GFOD1: variants seen among roughly 807,000 people sequenced by gnomAD.
GFOD1 encodes glucose-fructose oxidoreductase domain-containing protein 1.
In GFOD1, 9 loss-of-function variants were observed where a neutral mutation model predicts 25.4. That is an observed-to-expected ratio of 0.35 (90% CI 0.21 to 0.62). GFOD1 has a LOEUF of 0.62. Ranked by LOEUF, GFOD1 falls within the 20% of genes least tolerant of loss-of-function variation. The probability of loss-of-function intolerance (pLI) is 0.72; values close to 1 mark genes in which losing one functional copy is unlikely to be tolerated. For synonymous variants in GFOD1, 253 were observed against 245.6 expected, an observed-to-expected ratio of 1.03 and a Z score of -0.28; for missense variants, 403 against 556.9, an observed-to-expected ratio of 0.72 and a Z score of 2.78.
At chr6:13,410,005 G>GGT (rs548597430) in intron 1 of GFOD1, among the ~76,000 whole-genome samples, 1 of 121,634 alleles carries the variant, frequency 8.2e-6, no homozygotes, top group African/African-American at 3.1e-5. Flanking sequence ...CGGATTTTTA[G>GGT]TTTTTTTTTT....
intron 1 of GFOD1, among the ~76,000 whole-genome samples, chr6:13,409,398 AAC>A (rs1786030481): frequency 1.3e-5 from 2 of 152,056 alleles, no homozygotes; most frequent in Admixed American, 6.6e-5. Flanking sequence ...GAAGGAAAAA[AAC>A]AATGAAATAA....
At chr6:13,477,386 T>C (rs1469091933) in intron 1 of GFOD1, among the ~76,000 whole-genome samples, 2 of 151,962 alleles carry the variant, frequency 1.3e-5, no homozygotes, top group Non-Finnish European at 2.9e-5. Flanking sequence ...CAGTTTCCAG[T>C]ACAAAGGCAG....
At chr6:13,400,915 T>C (rs1459500435) in intron 1 of GFOD1, among the ~76,000 whole-genome samples, 1 of 152,190 alleles carries the variant, frequency 6.6e-6, no homozygotes, top group East Asian at 1.9e-4. Flanking sequence ...TCACTATTAG[T>C]CATTGACTCT....
At chr6:13,378,286 G>A (rs548737666) in intron 1 of GFOD1, among the ~76,000 whole-genome samples, 11 of 152,334 alleles carry the variant, frequency 7.2e-5, no homozygotes, top group South Asian at 2.1e-4. Context: ...AGGATGAAAC[G>A]ACTGAGCCTC....
chr6:13,484,918 C>T (rs1758831316), intron 1 of GFOD1, among the ~76,000 whole-genome samples: 2 of 152,320 alleles, frequency 1.3e-5, no homozygotes, highest in Non-Finnish European at 2.9e-5. Context: ...CCAGTATACG[C>T]AGGGCTCATC....
chr6:13,453,520 C>A (rs1758134693), intron 1 of GFOD1, among the ~76,000 whole-genome samples: 1 of 152,184 alleles, frequency 6.6e-6, no homozygotes, highest in Admixed American at 6.5e-5. Context: ...TTTGAAGATA[C>A]ATAAATCTAA....
Position 13,430,138 on chromosome 6 carries a change from C to T in GFOD1, c.253+56500G>A, listed in dbSNP as rs1450038643. On this transcript the variant is annotated intron_variant, in intron 1 of 1. Coordinates refer to ENST00000379287, the MANE Select transcript of GFOD1 (RefSeq NM_018988.4). This position sits in a 1 kb window ranked among gnomAD's most constrained non-coding sequence, Gnocchi z 4.1. ...TAGCTGCACTCTGTAGGAATGCTTG[C>T]TTTTAAAATCCAGCCAGGCCGGGAG... Among the ~76,000 whole-genome samples, 1 of 152,162 alleles carries T rather than the reference C, an allele frequency of 6.6e-6. No homozygotes were observed. Among genetic ancestry groups the T allele is most frequent in the African/African-American group, 2.4e-5 (1 of 41,440 alleles).
intron 1 of GFOD1, among the ~76,000 whole-genome samples, chr6:13,415,913 G>A (rs898133544): frequency 1.3e-5 from 2 of 152,190 alleles, no homozygotes; most frequent in Non-Finnish European, 2.9e-5. Context: ...ACAGACAAAC[G>A]TGGTCCCATC....
chr6:13,461,290 C>T (rs1177299285), intron 1 of GFOD1, among the ~76,000 whole-genome samples: 2 of 152,160 alleles, frequency 1.3e-5, no homozygotes, highest in Admixed American at 6.5e-5. Context: ...AGCCCTCGGC[C>T]CTCTTTGTAG....
chr6:13,426,874 CCCTGGTG>C lies in GFOD1; in HGVS notation c.253+59757_253+59763del, dbSNP rs1441575044. ...AGTGTCTGTTGGTGGAAGAACATGCCCCTGGTGCCAGAAGGCTGGGGTTTGAGTCTCA... is the reference window on the plus strand; with the variant it reads ...AGTGTCTGTTGGTGGAAGAACATGCCCCAGAAGGCTGGGGTTTGAGTCTCA... On this transcript the variant is annotated intron_variant, in intron 1 of 1. Transcript: ENST00000379287. Among the ~76,000 whole-genome samples the C allele has an allele frequency of 6.6e-5, 10 of 152,176 alleles. No individual in the cohort carries two copies. In the South Asian group the frequency reaches 8.3e-4, roughly 13 times the overall value.
At chr6:13,390,733 AAG>A (rs1173088960) in intron 1 of GFOD1, among the ~76,000 whole-genome samples, 1 of 136,050 alleles carries the variant, frequency 7.4e-6, no homozygotes, top group Non-Finnish European at 1.5e-5. Flanking sequence ...AAAAAAAAAA[AAG>A]AAAGAAAGAC....
At position 13,365,933 on chromosome 6, in the gene GFOD1, G is replaced by A. The variant is rs192347113; in HGVS notation, c.254-271C>T. On this transcript the variant is annotated intron_variant, in intron 1 of 1. Transcript: ENST00000379287. The surrounding 1 kb of genome is among the most constrained non-coding windows in gnomAD (Gnocchi z 9.2). ...TAATAATAATAATAATGAGCCGGGC[G>A]TGGTGGTGCACGCCTGTGGTCCCAG... Among the ~76,000 whole-genome samples the A allele has an allele frequency of 1.2e-4, 18 of 149,064 alleles. No individual in the cohort carries two copies. Among genetic ancestry groups the A allele is most frequent in the African/African-American group, 3.2e-4 (13 of 40,834 alleles).
chr6:13,422,192 A>G (rs1219336058), intron 1 of GFOD1, among the ~76,000 whole-genome samples: 2 of 152,194 alleles, frequency 1.3e-5, no homozygotes, highest in Admixed American at 1.3e-4. Flanking sequence ...CTGCCATTCA[A>G]TACTTAGGTT....
chr6:13,433,329 A>C (rs1424106967), intron 1 of GFOD1, among the ~76,000 whole-genome samples: 1 of 152,014 alleles, frequency 6.6e-6, no homozygotes, highest in Non-Finnish European at 1.5e-5. Context: ...ATGTTGGTCA[A>C]GCTGGTCTCA....
chr6:13,486,216 C>A, intron 1 of GFOD1: 1 of 951,682 alleles, frequency 1.1e-6, no homozygotes, highest in Non-Finnish European at 1.3e-6. Context: ...CTCCCAGGCG[C>A]GCGCGCGCAC....
chr6:13,447,665 C>T (rs1416668453), intron 1 of GFOD1, among the ~76,000 whole-genome samples: 6 of 127,742 alleles, frequency 4.7e-5, no homozygotes, highest in South Asian at 2.8e-4. Flanking sequence ...CACTTGCACC[C>T]GGGAGGTAGA....
At chr6:13,383,448 C>T (rs1024191052) in intron 1 of GFOD1, among the ~76,000 whole-genome samples, 2 of 152,202 alleles carry the variant, frequency 1.3e-5, no homozygotes, top group African/African-American at 4.8e-5. Flanking sequence ...CACAAGATTC[C>T]TTTCAGTGAC....
At chr6:13,467,367 C>T (rs566827512) in intron 1 of GFOD1, among the ~76,000 whole-genome samples, 3 of 152,158 alleles carry the variant, frequency 2.0e-5, no homozygotes, top group South Asian at 2.1e-4. Flanking sequence ...AAGGTCACAC[C>T]GCTAATTAGT....
chr6:13,386,157 G>C (rs1020732962), intron 1 of GFOD1, among the ~76,000 whole-genome samples: 3 of 150,688 alleles, frequency 2.0e-5, no homozygotes, highest in Non-Finnish European at 4.4e-5. Context: ...TACCTCCCAG[G>C]TTCAAGCGAT....
Sources: gnomAD v4.1 joint callset for allele counts (sites outside exome capture counted in the v4.1 genomes callset) on GRCh38, gnomAD v4.1.1 for gene constraint, Gnocchi (gnomAD v3.1) non-coding constraint, MANE v1.5 for transcripts, NCBI Gene and HGNC (gene_info 2026-07-23, HGNC 2026-07-21) for gene names.